Variants in PRUNE2 observed in about 807,000 individuals in gnomAD.
PRUNE2 encodes the protein prune homolog 2 with BCH domain, also known as protein prune homolog 2.
Under a neutral mutation model 252.0 loss-of-function variants are expected in PRUNE2, and 164 were observed. The observed-to-expected ratio is 0.65, with a 90% confidence interval of 0.57 to 0.74. PRUNE2 has a LOEUF of 0.74. PRUNE2 is among the 30% of genes least tolerant of loss of function. The pLI is 0.00. For missense variants in PRUNE2, 3,495 were observed against 3,711.0 expected (o/e 0.94, Z 1.51); for synonymous variants, 1,292 against 1,350.2 (o/e 0.96, Z 0.94).
At chr9:76,842,018 A>C (rs139002991) in intron 4 of PRUNE2, among the ~76,000 whole-genome samples, 4 of 152,334 alleles carry the variant, frequency 2.6e-5, no homozygotes, top group Non-Finnish European at 4.4e-5. Flanking sequence ...GGAACCAAAA[A>C]AGAACCCGTA....
At chr9:76,777,904 A>T (rs969285557) in intron 6 of PRUNE2, among the ~76,000 whole-genome samples, 1 of 152,200 alleles carries the variant, frequency 6.6e-6, no homozygotes, top group Admixed American at 6.5e-5. Flanking sequence ...AGGGGACAGC[A>T]GGTACAAAGT....
intron 1 of PRUNE2, among the ~76,000 whole-genome samples, chr9:76,876,503 A>C (rs984697428): frequency 1.3e-5 from 2 of 152,096 alleles, no homozygotes. Context: ...ATAGATTTAA[A>C]ATTTTCTCTT....
chr9:76,670,754 G>A (rs1019954412), intron 9 of PRUNE2, among the ~76,000 whole-genome samples: 22 of 151,520 alleles, frequency 1.5e-4, no homozygotes, highest in East Asian at 5.8e-4. Flanking sequence ...CCTGACCCCC[G>A]AGCAGCCTAA....
rs1218534207 is a variant in PRUNE2, at chr9:76,737,577, T to C, written c.757-23856A>G. Reference sequence around the variant, plus strand: ...AGGCAAACAGAGTAATGCAAAAACATATTTCCTGCTGTCAAGAAAATTTCT... The same window carrying C: ...AGGCAAACAGAGTAATGCAAAAACACATTTCCTGCTGTCAAGAAAATTTCT... On this transcript the variant is annotated intron_variant, in intron 6 of 18. Coordinates refer to ENST00000376718, the MANE Select transcript of PRUNE2 (RefSeq NM_015225.3). 9 of 152,354 alleles carry C rather than the reference T, an allele frequency of 5.9e-5. No homozygotes were observed. In the South Asian group the frequency reaches 8.3e-4, roughly 14 times the overall value. 9.4% of individuals were successfully genotyped at this position (152,354 alleles called of 1,614,324 possible).
chr9:76,713,100 CT>C, intron 7 of PRUNE2, among the ~76,000 whole-genome samples: 1 of 151,250 alleles, frequency 6.6e-6, no homozygotes, highest in Non-Finnish European at 1.5e-5. Context: ...TTTCCTAGGC[CT>C]TGGGTTAAAA....
chr9:76,890,591 T>C (rs1230001902), intron 1 of PRUNE2, among the ~76,000 whole-genome samples: 1 of 152,198 alleles, frequency 6.6e-6, no homozygotes, highest in African/African-American at 2.4e-5. Flanking sequence ...TTAACAACTA[T>C]GCAGATCACA....
intron 18 of PRUNE2, among the ~76,000 whole-genome samples, chr9:76,616,003 C>T (rs1476006047): frequency 6.6e-6 from 1 of 151,952 alleles, no homozygotes; most frequent in Non-Finnish European, 1.5e-5. Flanking sequence ...CTCTTGACCT[C>T]GTGATCCGCC....
intron 18 of PRUNE2, among the ~76,000 whole-genome samples, chr9:76,616,999 A>C (rs1368102860): frequency 6.6e-6 from 1 of 151,970 alleles, no homozygotes; most frequent in Non-Finnish European, 1.5e-5. Flanking sequence ...TAAATAAATA[A>C]AAGTATCCTT....
intron 6 of PRUNE2, among the ~76,000 whole-genome samples, chr9:76,754,038 G>C (rs2050877596): frequency 6.6e-6 from 1 of 152,086 alleles, no homozygotes; most frequent in Non-Finnish European, 1.5e-5. Flanking sequence ...ATGGCTAGTA[G>C]GAGGCAAAAG....
Position 76,711,282 on chromosome 9 carries a change from A to G in PRUNE2, c.992T>C (p.Leu331Pro), listed in dbSNP as rs775856686. ...TGAAGGGTCCTCTTGTTGGTACACC[A>G]GGATCTCATCACAGCCACAGTCAAA... The part of the protein sequence containing the change: ...EPFDCGCDEI[L>P]VYQQEDPSVT... The change falls in exon 8 of 19, where the codon CTG (leucine) becomes CCG (proline). Residue 331 changes from leucine to proline, a missense_variant. Transcript: ENST00000376718. The G allele has an allele frequency of 8.1e-6, 13 of 1,613,776 alleles. No homozygotes were observed. The highest frequency in any genetic ancestry group is 1.1e-5 in the Non-Finnish European group (13 of 1,179,878).
intron 1 of PRUNE2, among the ~76,000 whole-genome samples, chr9:76,873,761 A>G (rs1292194963): frequency 6.6e-6 from 1 of 152,234 alleles, no homozygotes; most frequent in Non-Finnish European, 1.5e-5. Flanking sequence ...GATACACAAT[A>G]TCGATGGCAT....
In PRUNE2 at chr9:76,713,740, A is replaced by G; in HGVS notation, c.757-19T>C. The G allele has an allele frequency of 1.9e-6, 3 of 1,571,612 alleles. No homozygotes were observed. The South Asian group carries it at 3.5e-5, about 19-fold the overall frequency. On this transcript the variant is annotated intron_variant, in intron 6 of 18. Transcript: ENST00000376718. ...GACAATTCTGAAACGACAACAGGAA[A>G]TTTGATATTAATGTCAAACTGCCCA... is the stretch of plus-strand genomic sequence containing the variant.
rs1223878442 is a variant in PRUNE2, at chr9:76,713,567, C to A, written c.911G>T (p.Ser304Ile). 3 of 1,609,238 alleles carry A rather than the reference C, an allele frequency of 1.9e-6. No homozygotes were observed. Among genetic ancestry groups the A allele is most frequent in the Non-Finnish European group, 1.7e-6 (2 of 1,177,872 alleles). ...AVYSENMELC[S>I]QICCELEECQ... is the part of the protein sequence containing the mutation. ...GGGGTCAGAGGAGGGGCTCACCTGACTGCACAGCTCCATGTTTTCTGAGTA... is the reference window on the plus strand; with the variant it reads ...GGGGTCAGAGGAGGGGCTCACCTGAATGCACAGCTCCATGTTTTCTGAGTA... The change falls in exon 7 of 19, where the codon AGT becomes ATT. Residue 304 changes from serine to isoleucine, a missense_variant. Physicochemically the swap from Ser to Ile is moderately radical, Grantham distance 142. Coordinates refer to ENST00000376718, the MANE Select transcript of PRUNE2 (RefSeq NM_015225.3).
Position 76,707,912 on chromosome 9 carries a change from T to C in PRUNE2, c.4362A>G (p.Lys1454=). The change falls in exon 8 of 19, where the codon AAA becomes AAG. Residue 1454 remains lysine, a synonymous_variant. Transcript: ENST00000376718. ...TETSDGMNFT[K]YVSVPEKDLE... is the part of the protein sequence containing the mutation. ...GATCCTTTTCAGGTACAGATACATA[T>C]TTTGTGAAATTCATCCCATCTGAAG... 6.2e-7 allele frequency: 1 copy of C among 1,613,878 alleles called. No homozygotes were observed. Among genetic ancestry groups the C allele is most frequent in the African/African-American group, 1.3e-5 (1 of 75,056 alleles).
intron 4 of PRUNE2, among the ~76,000 whole-genome samples, chr9:76,835,418 G>GT (rs1261807919): frequency 2.6e-5 from 4 of 151,932 alleles, no homozygotes; most frequent in Non-Finnish European, 5.9e-5. Context: ...CTTAGTTTAC[G>GT]TTTTTGTCTG....
intron 9 of PRUNE2, among the ~76,000 whole-genome samples, chr9:76,658,071 A>G (rs1272855210): frequency 6.6e-6 from 1 of 152,198 alleles, no homozygotes; most frequent in Non-Finnish European, 1.5e-5. Flanking sequence ...ATATTAAAGA[A>G]GGCTAGGCCG....
rs766395290 is a variant in PRUNE2 at position 76,846,582 on chromosome 9, G to A, written c.441C>T (p.Leu147=). The A allele has an allele frequency of 4.5e-5, 72 of 1,613,974 alleles. No homozygotes were observed. Among genetic ancestry groups the A allele is most frequent in the Non-Finnish European group, 5.5e-5 (65 of 1,179,960 alleles). The change falls in exon 4 of 19, where the codon CTC becomes CTT. Residue 147 remains leucine (L), a synonymous_variant. Transcript: ENST00000376718. ...CCTCTTGGAGAATCTCCTTTAGCACGAGAGAAGAGGAAGACTCTCGGAACT... is the reference window on the plus strand; with the variant it reads ...CCTCTTGGAGAATCTCCTTTAGCACAAGAGAAGAGGAAGACTCTCGGAACT... ...NVEFRESSSS[L]VLKEILQEAP...
chr9:76,750,031 T>C (rs2050477971), intron 6 of PRUNE2, among the ~76,000 whole-genome samples: 2 of 152,134 alleles, frequency 1.3e-5, no homozygotes, highest in East Asian at 1.9e-4. Context: ...GGCTTCCGTG[T>C]TGAAGAACAC....
At chr9:76,893,844 A>G (rs1035229008) in intron 1 of PRUNE2, among the ~76,000 whole-genome samples, 3 of 152,210 alleles carry the variant, frequency 2.0e-5, no homozygotes, top group African/African-American at 7.2e-5. Context: ...TGGAGCCAAG[A>G]GTAATGACAC....
Sources: allele counts gnomAD v4.1 joint callset (sites outside exome capture counted in the v4.1 genomes callset), GRCh38; gene constraint gnomAD v4.1.1; transcripts MANE v1.5; gene names NCBI Gene and HGNC (gene_info 2026-07-23, HGNC 2026-07-21).